Variants in NRXN1 observed in about 807,000 individuals in gnomAD.
NRXN1 encodes the protein neurexin 1, also known as neurexin-1.
In NRXN1, 39 loss-of-function variants were observed where a neutral mutation model predicts 150.9. That is an observed-to-expected ratio of 0.26 (90% confidence interval 0.20 to 0.34). The LOEUF (loss-of-function observed/expected upper bound fraction) is 0.34, where lower values mean the gene tolerates loss of function less well. Ranked by LOEUF, NRXN1 falls within the 10% of genes least tolerant of loss-of-function variation. NRXN1 has a pLI of 1.00. For missense variants in NRXN1, 1,815 were observed against 1,949.9 expected (o/e 0.93, Z 1.30); for synonymous variants, 924 against 757.0 (o/e 1.22, Z -3.62).
chr2:49,987,050 A>T lies in NRXN1; in HGVS notation c.4129-43259T>A, dbSNP rs115285928. 6.6e-3 allele frequency among the ~76,000 whole-genome samples: 1,008 copies of T among 152,238 alleles called. 16 individuals are homozygous for T. Among genetic ancestry groups the T allele is most frequent in the African/African-American group, 0.023 (967 of 41,538 alleles). ...GCTTGGCTGACAGAGTGAGAAAAAA[A>T]AAAGAAAATATACATTAAATTATTA... is the stretch of plus-strand genomic sequence containing the variant. On this transcript the variant is annotated intron_variant, in intron 21 of 22. Coordinates refer to ENST00000401669, the MANE Select transcript of NRXN1 (RefSeq NM_001330078.2).
At chr2:50,981,903 A>C (rs1344723548) in intron 2 of NRXN1, among the ~76,000 whole-genome samples, 1 of 151,946 alleles carries the variant, frequency 6.6e-6, no homozygotes, top group Non-Finnish European at 1.5e-5. Flanking sequence ...AAATTTTCAC[A>C]ATGGTTAATG....
At chr2:50,182,829 T>C (rs971314331) in intron 18 of NRXN1, among the ~76,000 whole-genome samples, 1 of 152,038 alleles carries the variant, frequency 6.6e-6, no homozygotes, top group Non-Finnish European at 1.5e-5. Flanking sequence ...GCTTTGAGAG[T>C]CGATCCCAGG....
chr2:50,685,234 C>T (rs1352013230), intron 5 of NRXN1, among the ~76,000 whole-genome samples: 13 of 152,100 alleles, frequency 8.5e-5, no homozygotes, highest in Non-Finnish European at 1.8e-4. Context: ...TTTTCTTTTG[C>T]TCTGTAATTG....
At chr2:50,070,100 T>C (rs1435861517) in intron 19 of NRXN1, among the ~76,000 whole-genome samples, 2 of 152,000 alleles carry the variant, frequency 1.3e-5, no homozygotes, top group Non-Finnish European at 2.9e-5. Context: ...TCTGCCCGCC[T>C]TGGCCTCCCA....
Position 50,220,011 on chromosome 2 carries a change from T to C in NRXN1, c.3546+16778A>G, listed in dbSNP as rs1460698264. On this transcript the variant is annotated intron_variant, in intron 18 of 22. Coordinates refer to ENST00000401669, the MANE Select transcript of NRXN1 (RefSeq NM_001330078.2). ...TATATATAATATATATTATATAATA[T>C]ATTATATATATATATAAAGAAAATA... Among the ~76,000 whole-genome samples, 75 of 101,934 alleles carry C rather than the reference T, an allele frequency of 7.4e-4. 1 individual carries two copies. The highest frequency in any genetic ancestry group is 3.0e-3 in the African/African-American group (70 of 23,496). The allele number at this position is 101,934 out of a possible 152,430, so 66.9% of individuals were successfully genotyped here.
At chr2:50,432,195 C>G (rs2085027304) in intron 17 of NRXN1, 1 of 152,252 alleles carries the variant, frequency 6.6e-6, no homozygotes, top group Non-Finnish European at 1.5e-5. Flanking sequence ...AACCCGGTCA[C>G]TTCCTCCCCT....
intron 19 of NRXN1, among the ~76,000 whole-genome samples, chr2:50,086,383 A>G (rs1698775214): frequency 6.6e-6 from 1 of 152,162 alleles, no homozygotes; most frequent in Admixed American, 6.6e-5. Flanking sequence ...GGATGAAAAC[A>G]GAGTTAAGGT....
Position 50,502,500 on chromosome 2 carries a change from G to A in NRXN1, c.2497+3995C>T, listed in dbSNP as rs147621275. ...GACACACAAACACACACACACACGA[G>A]TCATGGTTAACCCCTGCTTCAAATC... On this transcript the variant is annotated intron_variant, in intron 13 of 22. Coordinates refer to ENST00000401669, the MANE Select transcript of NRXN1 (RefSeq NM_001330078.2). Among the ~76,000 whole-genome samples the A allele has an allele frequency of 1.8e-3, 276 of 151,906 alleles. 1 individual carries two copies. The highest frequency in any genetic ancestry group is 6.4e-3 in the African/African-American group (264 of 41,466).
chr2:50,550,044 T>C (rs1002420758), intron 9 of NRXN1, among the ~76,000 whole-genome samples: 34 of 152,324 alleles, frequency 2.2e-4, no homozygotes, highest in African/African-American at 8.2e-4. Context: ...TAATGAATAC[T>C]TTCCTTTTTC....
At chr2:50,256,919 T>A (rs1282435019) in intron 17 of NRXN1, among the ~76,000 whole-genome samples, 1 of 152,078 alleles carries the variant, frequency 6.6e-6, no homozygotes, top group Non-Finnish European at 1.5e-5. Context: ...TACAATCCTA[T>A]CCTAGGACGA....
At chr2:50,909,038 G>T (rs1684155380) in intron 5 of NRXN1, among the ~76,000 whole-genome samples, 1 of 152,016 alleles carries the variant, frequency 6.6e-6, no homozygotes, top group Non-Finnish European at 1.5e-5. Context: ...ATGGGGTGGA[G>T]AAATATATTT....
At chr2:50,035,459 T>C (rs944842628) in intron 21 of NRXN1, among the ~76,000 whole-genome samples, 2 of 152,108 alleles carry the variant, frequency 1.3e-5, no homozygotes, top group African/African-American at 4.8e-5. Flanking sequence ...AGCTGTTTAA[T>C]TAAGCAGATT....
At chr2:50,147,708 C>T (rs531023494) in intron 18 of NRXN1, among the ~76,000 whole-genome samples, 2 of 151,758 alleles carry the variant, frequency 1.3e-5, no homozygotes, top group Non-Finnish European at 1.5e-5. Context: ...AAGATAAAAA[C>T]CACTTAGTTA....
intron 12 of NRXN1, among the ~76,000 whole-genome samples, chr2:50,519,538 C>T (rs1475045750): frequency 6.6e-6 from 1 of 151,962 alleles, no homozygotes; most frequent in Non-Finnish European, 1.5e-5. Flanking sequence ...CTTGGTTTAT[C>T]TGAAGAGACA....
At chr2:50,676,342 C>T (rs1689539733) in intron 5 of NRXN1, among the ~76,000 whole-genome samples, 1 of 152,188 alleles carries the variant, frequency 6.6e-6, no homozygotes, top group East Asian at 1.9e-4. Context: ...CTTAGGTATT[C>T]CTTTATAGCA....
At chr2:49,947,134 C>A (rs576764142) in intron 21 of NRXN1, among the ~76,000 whole-genome samples, 7 of 152,152 alleles carry the variant, frequency 4.6e-5, no homozygotes, top group East Asian at 1.9e-4. Flanking sequence ...TTTTTCCCCC[C>A]GGACCAACAT....
intron 5 of NRXN1, among the ~76,000 whole-genome samples, chr2:50,896,455 AG>A (rs1199493963): frequency 6.6e-6 from 1 of 152,186 alleles, no homozygotes; most frequent in African/African-American, 2.4e-5. Flanking sequence ...TGTATATATT[AG>A]AAAATGGTGT....
At chr2:49,929,204 C>T (rs1669686604) in intron 22 of NRXN1, among the ~76,000 whole-genome samples, 1 of 152,142 alleles carries the variant, frequency 6.6e-6, no homozygotes, top group Non-Finnish European at 1.5e-5. Context: ...CCAACTAGGA[C>T]AGGCTGCTAC....
intron 5 of NRXN1, among the ~76,000 whole-genome samples, chr2:50,813,211 A>C (rs1330796207): frequency 6.6e-6 from 1 of 152,148 alleles, no homozygotes; most frequent in Non-Finnish European, 1.5e-5. Context: ...AAAGATATTA[A>C]TGGCTTAAAT....
Sources: gnomAD v4.1 joint callset for allele counts (sites outside exome capture counted in the v4.1 genomes callset) on GRCh38, gnomAD v4.1.1 for gene constraint, MANE v1.5 for transcripts, NCBI Gene and HGNC (gene_info 2026-07-23, HGNC 2026-07-21) for gene names.